The following CMTM5 variants were observed in gnomAD, a reference collection of about 807,000 sequenced individuals.
CMTM5 encodes the protein CKLF like MARVEL transmembrane domain containing 5, also known as CKLF-like MARVEL transmembrane domain-containing protein 5.
CMTM5 carries 25 observed loss-of-function variants against 26.9 expected under a neutral mutation model. The ratio of observed to expected loss-of-function variants is 0.93; its 90% confidence interval spans 0.68 to 1.30. CMTM5 has a LOEUF of 1.30. Among genes scored for constraint, CMTM5 ranks in the 50% most tolerant of loss-of-function variants. CMTM5 has a pLI of 0.00. For missense variants in CMTM5, 292 were observed against 289.6 expected, an observed-to-expected ratio of 1.01 and a Z score of -0.06; for synonymous variants, 98 against 115.5, an observed-to-expected ratio of 0.85 and a Z score of 0.97.
Position 23,379,699 on chromosome 14 carries a change from TA to T in CMTM5, c.*213del. 4 of 1,171,380 alleles carry T rather than the reference TA, an allele frequency of 3.4e-6. No homozygotes were observed. Among genetic ancestry groups the T allele is most frequent in the Non-Finnish European group, 4.6e-6 (4 of 870,180 alleles). 72.6% of individuals were successfully genotyped at this position (1,171,380 alleles called of 1,614,324 possible). A position where few individuals can be genotyped will look rare whatever the true frequency, so the allele number is the denominator to read the frequency against. On this transcript the variant is annotated 3_prime_UTR_variant, in exon 6 of 6. Coordinates refer to ENST00000339180, the MANE Select transcript of CMTM5 (RefSeq NM_001288746.2). ...AAGCTCTGGCCAGAGGAGGGGAACT[TA>T]TTGGGGGAGGGGGGGTGGAGGGGAG...
chr14:23,379,256 C>A (rs751893309), intron 4 of CMTM5, 43 bp from the exon 5 acceptor site: 1 of 1,612,352 alleles, frequency 6.2e-7, no homozygotes, highest in Non-Finnish European at 8.5e-7. Context: ...AACCCAATGG[C>A]CCTATAGCCT....
In CMTM5 at chr14:23,379,462, C is replaced by T; in HGVS notation, c.659-12C>T. On this transcript the variant is annotated splice_polypyrimidine_tract_variant and intron_variant, in intron 5 of 5. Transcript: ENST00000339180. ...TCCTGATGTGGGTCCCTACCTGGCT[C>T]TATCCTCACAGGGGACCAGCAGTGA... 6.2e-7 allele frequency: 1 copy of T among 1,614,082 alleles called. No individual in the cohort carries two copies. The highest frequency in any genetic ancestry group is 1.1e-5 in the South Asian group (1 of 91,086).
Position 23,379,118 on chromosome 14 carries a change from G to A in CMTM5, c.568G>A (p.Ala190Thr), listed in dbSNP as rs151276555. ...CTCCCGGGACGGAGCTGCCATTGCT[G>A]CTTTTGTGAGTTCAGCCCTGCAGGA... Reference protein sequence around the residue: ...VTSRDGAAIAAFVFGIILVSI... With the variant: ...VTSRDGAAIATFVFGIILVSI... The change falls in exon 4 of 6, where the codon GCT (alanine) becomes ACT (threonine). Residue 190 changes from alanine (A) to threonine (T), a missense_variant. Ala to Thr is a moderately conservative substitution (Grantham distance 58). Coordinates refer to ENST00000339180, the MANE Select transcript of CMTM5 (RefSeq NM_001288746.2). The A allele has an allele frequency of 6.8e-6, 11 of 1,613,674 alleles. No homozygotes were observed. The East Asian group carries it at 1.8e-4, about 26-fold the overall frequency.
upstream of CMTM5, chr14:23,376,810 T>A (rs1463414122): frequency 6.1e-6 from 1 of 163,352 alleles, no homozygotes; most frequent in African/African-American, 2.4e-5. Context: ...GGGTTAAGGT[T>A]AGAGAAGGGG....
At position 23,378,190 on chromosome 14, in the gene CMTM5, C is replaced by T. The variant is rs1241526845; in HGVS notation, c.127-159C>T. 2.6e-6 allele frequency: 2 copies of T among 763,706 alleles called. No homozygotes were observed. The highest frequency in any genetic ancestry group is 2.7e-5 in the East Asian group (1 of 36,970). The allele number at this position is 763,706 out of a possible 1,614,324, so 47.3% of individuals were successfully genotyped here. A position where few individuals can be genotyped will look rare whatever the true frequency, so the allele number is the denominator to read the frequency against. On this transcript the variant is annotated intron_variant, in intron 1 of 5. Transcript: ENST00000339180. The surrounding 1 kb of genome is among the most constrained non-coding windows in gnomAD (Gnocchi z 4.2). Reference sequence around the variant, plus strand: ...CGGCAAATGCCCTGCAACGGTGGCTCCTGACACCAGGGGATAGGGAGATGT... The same window carrying T: ...CGGCAAATGCCCTGCAACGGTGGCTTCTGACACCAGGGGATAGGGAGATGT...
In CMTM5 at chr14:23,377,708, TCTAA is replaced by T. The variant is rs1234981301; in HGVS notation, c.126+335_126+338del. On this transcript the variant is annotated intron_variant, in intron 1 of 5. Coordinates refer to ENST00000339180, the MANE Select transcript of CMTM5 (RefSeq NM_001288746.2). The surrounding 1 kb of genome is among the most constrained non-coding windows in gnomAD (Gnocchi z 4.6). ...GCCACTTCTCAGCACGTCCAAGAAG[TCTAA>T]CTATCAAAAAGGGCAGACTTCCTGC... 2 of 271,192 alleles carry T rather than the reference TCTAA, an allele frequency of 7.4e-6. No individual in the cohort carries two copies. The highest frequency in any genetic ancestry group is 2.2e-5 in the African/African-American group (1 of 45,364). 16.8% of individuals were successfully genotyped at this position (271,192 alleles called of 1,614,324 possible). A position where few individuals can be genotyped will look rare whatever the true frequency, so the allele number is the denominator to read the frequency against.
At position 23,378,274 on chromosome 14, in the gene CMTM5, C is replaced by T; in HGVS notation, c.127-75C>T. On this transcript the variant is annotated intron_variant, in intron 1 of 5. Coordinates refer to ENST00000339180, the MANE Select transcript of CMTM5 (RefSeq NM_001288746.2). This position sits in a 1 kb window ranked among gnomAD's most constrained non-coding sequence, Gnocchi z 4.2. ...GTAGGTGCCAGCCTAGGGGAGCTTC[C>T]AAGGAGGGGAAGGCAAAGCCCTGGC... 6.4e-7 allele frequency: 1 copy of T among 1,550,684 alleles called. No homozygotes were observed. Among genetic ancestry groups the T allele is most frequent in the Non-Finnish European group, 8.8e-7 (1 of 1,138,768 alleles).
Position 23,377,343 on chromosome 14 carries a change from C to A in CMTM5, c.92C>A (p.Thr31Asn). Residue 31 changes from threonine (T) to asparagine (N), a missense_variant, in exon 1 of 6, where the codon ACC becomes AAC. By Grantham distance (65) the Thr-to-Asn change is moderately conservative. Transcript: ENST00000339180. This position sits in a 1 kb window ranked among gnomAD's most constrained non-coding sequence, Gnocchi z 4.6. ...QGFAVDKAFL[T>N]SHKGILLETE... ...TTCGCGGTGGACAAGGCCTTCCTCACCTCCCACAAGGGCATCCTGCTGGAA... is the reference window on the plus strand; with the variant it reads ...TTCGCGGTGGACAAGGCCTTCCTCAACTCCCACAAGGGCATCCTGCTGGAA... The A allele has an allele frequency of 6.2e-7, 1 of 1,604,482 alleles. No homozygotes were observed. The highest frequency in any genetic ancestry group is 1.7e-5 in the Admixed American group (1 of 59,312).
In CMTM5 at chr14:23,378,018, G is replaced by A. The variant is rs560726313; in HGVS notation, c.127-331G>A. The A allele has an allele frequency of 1.1e-4, 33 of 294,028 alleles. No homozygotes were observed. Among genetic ancestry groups the A allele is most frequent in the African/African-American group, 6.1e-4 (28 of 45,732 alleles). The allele number at this position is 294,028 out of a possible 1,614,324, so 18.2% of individuals were successfully genotyped here. On this transcript the variant is annotated intron_variant, in intron 1 of 5. Transcript: ENST00000339180. This position sits in a 1 kb window ranked among gnomAD's most constrained non-coding sequence, Gnocchi z 4.2. ...GGCTCCTCTTGGTCCCTGTGGAGTC[G>A]GGTCTCTGTGGGCACAACTCCAGGG...
Position 23,377,500 on chromosome 14 carries a change from C to T in CMTM5, c.126+123C>T. 9.6e-7 allele frequency: 1 copy of T among 1,037,806 alleles called. No homozygotes were observed. 64.3% of individuals were successfully genotyped at this position (1,037,806 alleles called of 1,614,324 possible). On this transcript the variant is annotated intron_variant, in intron 1 of 5. Coordinates refer to ENST00000339180, the MANE Select transcript of CMTM5 (RefSeq NM_001288746.2). The surrounding 1 kb of genome is among the most constrained non-coding windows in gnomAD (Gnocchi z 4.6). ...TCCCCAAGCCCTCTGGACACCTCTC[C>T]TGCCCGCAGCTGCCCCTTCTTCGTC...
Position 23,379,344 on chromosome 14 carries a change from A to G in CMTM5, c.619A>G (p.Lys207Glu). The G allele has an allele frequency of 6.2e-7, 1 of 1,614,064 alleles. No homozygotes were observed. The highest frequency in any genetic ancestry group is 2.2e-5 in the East Asian group (1 of 44,878). The change falls in exon 5 of 6, where the codon AAG (lysine) becomes GAG (glutamate). Residue 207 changes from lysine to glutamate, a missense_variant. Lys to Glu is a moderately conservative substitution (Grantham distance 56). Coordinates refer to ENST00000339180, the MANE Select transcript of CMTM5 (RefSeq NM_001288746.2). ...LVSIFAYDAF[K>E]IYRTEMAPGA... The stretch of plus-strand genomic sequence containing the variant: ...TTCCATCTTTGCCTATGATGCCTTC[A>G]AGATCTACCGGACTGAGATGGCACC...
In CMTM5 at chr14:23,378,917, C is replaced by G; in HGVS notation, c.480+48C>G. ...GTGCTTCATATTGTGTGAGGGGTATCCTATGGAGGGGTTCAGAATCCCTCA... is the reference window on the plus strand; with the variant it reads ...GTGCTTCATATTGTGTGAGGGGTATGCTATGGAGGGGTTCAGAATCCCTCA... On this transcript the variant is annotated intron_variant, in intron 3 of 5. Coordinates refer to ENST00000339180, the MANE Select transcript of CMTM5 (RefSeq NM_001288746.2). This position sits in a 1 kb window ranked among gnomAD's most constrained non-coding sequence, Gnocchi z 4.2. 1 of 1,607,126 alleles carries G rather than the reference C, an allele frequency of 6.2e-7. No homozygotes were observed. Among genetic ancestry groups the G allele is most frequent in the Non-Finnish European group, 8.5e-7 (1 of 1,175,198 alleles).
Position 23,377,520 on chromosome 14 carries a change from T to C in CMTM5, c.126+143T>C. The C allele has an allele frequency of 1.1e-6, 1 of 882,978 alleles. No individual in the cohort carries two copies. Among genetic ancestry groups the C allele is most frequent in the Non-Finnish European group, 1.6e-6 (1 of 619,728 alleles). The allele number at this position is 882,978 out of a possible 1,614,324, so 54.7% of individuals were successfully genotyped here. A position where few individuals can be genotyped will look rare whatever the true frequency, so the allele number is the denominator to read the frequency against. ...CTCTCCTGCCCGCAGCTGCCCCTTC[T>C]TCGTCTCCTACTCTGCCTTCTTGCT... On this transcript the variant is annotated intron_variant, in intron 1 of 5. Coordinates refer to ENST00000339180, the MANE Select transcript of CMTM5 (RefSeq NM_001288746.2). This position sits in a 1 kb window ranked among gnomAD's most constrained non-coding sequence, Gnocchi z 4.6.
At chr14:23,379,202 C>T in intron 4 of CMTM5, 79 bp downstream of exon 4, 2 of 1,598,742 alleles carry the variant, frequency 1.3e-6, no homozygotes, top group Admixed American at 3.4e-5. Flanking sequence ...TCAGAAGCCA[C>T]AGCCAGGACT....
chr14:23,377,323 G>C lies in CMTM5; in HGVS notation c.72G>C (p.Ala24=). ...TAGTTGCAGAGCTCCAGGGCTTCGC[G>C]GTGGACAAGGCCTTCCTCACCTCCC... ...EGVVAELQGF[A]VDKAFLTSHK... is the part of the protein sequence containing the mutation. Residue 24 remains alanine (A), a synonymous_variant, in exon 1 of 6, where the codon GCG becomes GCC. Coordinates refer to ENST00000339180, the MANE Select transcript of CMTM5 (RefSeq NM_001288746.2). The surrounding 1 kb of genome is among the most constrained non-coding windows in gnomAD (Gnocchi z 4.6). 6.2e-7 allele frequency: 1 copy of C among 1,610,282 alleles called. No homozygotes were observed. Among genetic ancestry groups the C allele is most frequent in the Non-Finnish European group, 8.5e-7 (1 of 1,177,894 alleles).
chr14:23,378,158 C>A lies in CMTM5; in HGVS notation c.127-191C>A. On this transcript the variant is annotated intron_variant, in intron 1 of 5. Coordinates refer to ENST00000339180, the MANE Select transcript of CMTM5 (RefSeq NM_001288746.2). The surrounding 1 kb of genome is among the most constrained non-coding windows in gnomAD (Gnocchi z 4.2). ...AGCAGAGTGGGAGGCCGGAGACTGC[C>A]CTTGACCGGCAAATGCCCTGCAACG... The A allele has an allele frequency of 1.5e-6, 1 of 646,154 alleles. No homozygotes were observed. The highest frequency in any genetic ancestry group is 2.6e-6 in the Non-Finnish European group (1 of 380,148). The allele number at this position is 646,154 out of a possible 1,614,324, so 40.0% of individuals were successfully genotyped here. A position where few individuals can be genotyped will look rare whatever the true frequency, so the allele number is the denominator to read the frequency against.
At position 23,379,131 on chromosome 14, in the gene CMTM5, C is replaced by G. The variant is rs778071045; in HGVS notation, c.573+8C>G. Reference sequence around the variant, plus strand: ...GCTGCCATTGCTGCTTTTGTGAGTTCAGCCCTGCAGGACTCCTTAGCCCCT... The same window carrying G: ...GCTGCCATTGCTGCTTTTGTGAGTTGAGCCCTGCAGGACTCCTTAGCCCCT... On this transcript the variant is annotated splice_region_variant and intron_variant, in intron 4 of 5. Transcript: ENST00000339180. 1 of 1,613,108 alleles carries G rather than the reference C, an allele frequency of 6.2e-7. No individual in the cohort carries two copies. Among genetic ancestry groups the G allele is most frequent in the Admixed American group, 1.7e-5 (1 of 59,962 alleles).
In CMTM5 at chr14:23,377,536, C is replaced by A; in HGVS notation, c.126+159C>A. ...TGCCCCTTCTTCGTCTCCTACTCTG[C>A]CTTCTTGCTGCCTCTCCACCCGGAG... On this transcript the variant is annotated intron_variant, in intron 1 of 5. Transcript: ENST00000339180. This position sits in a 1 kb window ranked among gnomAD's most constrained non-coding sequence, Gnocchi z 4.6. 1 of 730,680 alleles carries A rather than the reference C, an allele frequency of 1.4e-6. No homozygotes were observed. Among genetic ancestry groups the A allele is most frequent in the Non-Finnish European group, 2.0e-6 (1 of 488,490 alleles). 45.3% of individuals were successfully genotyped at this position (730,680 alleles called of 1,614,324 possible).
In CMTM5 at chr14:23,379,281, C is replaced by CCACT. The variant is rs2138572093; in HGVS notation, c.574-16_574-13dup. On this transcript the variant is annotated splice_polypyrimidine_tract_variant and intron_variant, in intron 4 of 5. Coordinates refer to ENST00000339180, the MANE Select transcript of CMTM5 (RefSeq NM_001288746.2). ...CCCTATAGCCTCTGTTTTGCCATCC[C>CCACT]CACTCCCACTCCCACAGGTTTTTGG... is the stretch of plus-strand genomic sequence containing the variant. 3 of 1,613,874 alleles carry CCACT rather than the reference C, an allele frequency of 1.9e-6. No homozygotes were observed. The East Asian group carries it at 6.7e-5, about 36-fold the overall frequency.
Sources: gnomAD v4.1 joint callset for allele counts on GRCh38, gnomAD v4.1.1 for gene constraint, Gnocchi (gnomAD v3.1) non-coding constraint, MANE v1.5 for transcripts, NCBI Gene and HGNC (gene_info 2026-07-23, HGNC 2026-07-21) for gene names.